Variants in MPP7 observed in about 807,000 individuals in gnomAD.
MPP7 encodes MAGUK p55 subfamily member 7.
Under a neutral mutation model 76.5 loss-of-function variants are expected in MPP7, and 60 were observed. That is an observed-to-expected ratio of 0.78 (90% CI 0.64 to 0.97). The LOEUF is 0.97. Ranked by LOEUF, MPP7 falls within the 50% of genes least tolerant of loss-of-function variation. MPP7 has a pLI of 0.00. For synonymous variants in MPP7, 237 were observed against 244.5 expected (o/e 0.97, Z 0.29); for missense variants, 641 against 694.0 (o/e 0.92, Z 0.86).
intron 5 of MPP7, among the ~76,000 whole-genome samples, chr10:28,134,294 T>C (rs1194842461): frequency 1.3e-5 from 2 of 152,222 alleles, no homozygotes; most frequent in Non-Finnish European, 2.9e-5. Context: ...TTTGTGTTTA[T>C]TGGGCATGTG....
At chr10:28,164,274 G>A (rs547323037) in intron 3 of MPP7, among the ~76,000 whole-genome samples, 70 of 152,186 alleles carry the variant, frequency 4.6e-4, no homozygotes, top group African/African-American at 1.6e-3. Context: ...GGAGGGAGAG[G>A]GATAGGAGAC....
At chr10:28,272,962 G>A (rs1176508402) in intron 1 of MPP7, among the ~76,000 whole-genome samples, 1 of 152,126 alleles carries the variant, frequency 6.6e-6, no homozygotes, top group African/African-American at 2.4e-5. Context: ...TTGTCAGCCA[G>A]GCTGTAGTGT....
intron 1 of MPP7, among the ~76,000 whole-genome samples, chr10:28,244,057 A>G (rs981995485): frequency 4.6e-5 from 7 of 152,316 alleles, no homozygotes; most frequent in African/African-American, 1.7e-4. Context: ...GCCAGACAGT[A>G]AACATTTTAG....
At chr10:28,293,005 G>C (rs1182311942) in intron 1 of MPP7, among the ~76,000 whole-genome samples, 1 of 143,634 alleles carries the variant, frequency 7.0e-6, no homozygotes, top group East Asian at 2.0e-4. Flanking sequence ...TTGTTAACTA[G>C]GAATGGAGAA....
intron 12 of MPP7, among the ~76,000 whole-genome samples, chr10:28,071,432 C>T (rs1852235677): frequency 6.6e-6 from 1 of 152,148 alleles, no homozygotes; most frequent in Non-Finnish European, 1.5e-5. Context: ...CATTCACTAC[C>T]ACCTTCAACC....
At chr10:28,259,028 G>C (rs938951492) in intron 1 of MPP7, among the ~76,000 whole-genome samples, 39 of 152,052 alleles carry the variant, frequency 2.6e-4, no homozygotes, top group Admixed American at 6.6e-4. Context: ...CAAACTTACA[G>C]GTGAAACTGC....
Position 28,125,219 on chromosome 10 carries a change from C to A in MPP7, c.448-128G>T, listed in dbSNP as rs1265379387. Reference sequence around the variant, plus strand: ...CAAAAACGAAAAAAAAGAAATGAGGCAGGAAAAATAGACATCATGCCATTT... The same window carrying A: ...CAAAAACGAAAAAAAAGAAATGAGGAAGGAAAAATAGACATCATGCCATTT... On this transcript the variant is annotated intron_variant, in intron 6 of 16. Coordinates refer to ENST00000683449, the MANE Select transcript of MPP7 (RefSeq NM_001318170.2). 3 of 740,628 alleles carry A rather than the reference C, an allele frequency of 4.1e-6. No homozygotes were observed. The Admixed American group carries it at 7.4e-5, about 18-fold the overall frequency. 45.9% of individuals were successfully genotyped at this position (740,628 alleles called of 1,614,324 possible).
chr10:28,104,298 G>C (rs887393289), intron 11 of MPP7, among the ~76,000 whole-genome samples: 2 of 152,078 alleles, frequency 1.3e-5, no homozygotes, highest in Non-Finnish European at 2.9e-5. Flanking sequence ...ACAAGAAAAG[G>C]GGGCAAAGAA....
rs574053672 is a variant in MPP7, at chr10:28,284,650, T to C, written c.-132+18211A>G. 5.4e-4 allele frequency among the ~76,000 whole-genome samples: 83 copies of C among 152,306 alleles called. 1 individual carries two copies. The highest frequency in any genetic ancestry group is 8.2e-4 in the Non-Finnish European group (56 of 68,032). ...CAGACATTTCTCAAAATTATGAATT[T>C]TAAAGTGGGGGGAATATTGGAGTAA... On this transcript the variant is annotated intron_variant, in intron 1 of 16. Transcript: ENST00000683449.
intron 11 of MPP7, among the ~76,000 whole-genome samples, chr10:28,095,328 A>C (rs2133482129): frequency 6.6e-6 from 1 of 151,982 alleles, no homozygotes; most frequent in Admixed American, 6.6e-5. Context: ...AATAGCCAGA[A>C]CAAAAGATAC....
rs1389397370 is a variant in MPP7, at chr10:28,169,786, A to G, written c.157-19727T>C. 9.8e-5 allele frequency among the ~76,000 whole-genome samples: 15 copies of G among 152,314 alleles called. No homozygotes were observed. In the East Asian group the frequency reaches 2.9e-3, roughly 29 times the overall value. ...GCTGACTTTCATATACAGACCTTGC[A>G]GTCAGCCACCCAGCACTGACCACTC... On this transcript the variant is annotated intron_variant, in intron 3 of 16. Transcript: ENST00000683449.
At chr10:28,150,355 C>T (rs1835843839) in intron 3 of MPP7, among the ~76,000 whole-genome samples, 1 of 152,176 alleles carries the variant, frequency 6.6e-6, no homozygotes, top group South Asian at 2.1e-4. Flanking sequence ...TCTTTCCCCT[C>T]AATAAGCATG....
intron 11 of MPP7, among the ~76,000 whole-genome samples, chr10:28,107,155 C>T (rs776639019): frequency 2.6e-5 from 4 of 152,162 alleles, no homozygotes; most frequent in Non-Finnish European, 4.4e-5. Flanking sequence ...ATCTACATAT[C>T]ATCGAACTTA....
intron 1 of MPP7, among the ~76,000 whole-genome samples, chr10:28,278,184 A>G (rs1368844117): frequency 6.6e-6 from 1 of 152,120 alleles, no homozygotes; most frequent in East Asian, 1.9e-4. Flanking sequence ...TTCCCACACA[A>G]TAACAAGTTC....
intron 12 of MPP7, among the ~76,000 whole-genome samples, chr10:28,078,116 A>G (rs1439758918): frequency 6.6e-6 from 1 of 152,138 alleles, no homozygotes; most frequent in African/African-American, 2.4e-5. Context: ...CACTCTACCT[A>G]TGATCTTATG....
intron 3 of MPP7, among the ~76,000 whole-genome samples, chr10:28,194,738 A>C (rs1300029421): frequency 6.6e-6 from 1 of 152,220 alleles, no homozygotes; most frequent in Non-Finnish European, 1.5e-5. Context: ...CAGGTAAAGC[A>C]TGGGAGATTT....
intron 11 of MPP7, among the ~76,000 whole-genome samples, chr10:28,094,121 T>A (rs1471062916): frequency 1.3e-5 from 2 of 152,226 alleles, no homozygotes; most frequent in Non-Finnish European, 2.9e-5. Context: ...CATCTGAGTC[T>A]GCTCCCCGCG....
intron 1 of MPP7, among the ~76,000 whole-genome samples, chr10:28,245,467 A>C (rs1839403166): frequency 6.6e-6 from 1 of 152,054 alleles, no homozygotes; most frequent in South Asian, 2.1e-4. Context: ...TTTTACCTAT[A>C]GGGAGATAGC....
At chr10:28,333,855 T>G (rs1834492338) in intron 1 of MPP7, among the ~76,000 whole-genome samples, 1 of 152,120 alleles carries the variant, frequency 6.6e-6, no homozygotes, top group Non-Finnish European at 1.5e-5. Flanking sequence ...ATGAAAAATT[T>G]GGGCCGAGAA....
Sources: gnomAD v4.1 joint callset for allele counts (sites outside exome capture counted in the v4.1 genomes callset) on GRCh38, gnomAD v4.1.1 for gene constraint, MANE v1.5 for transcripts, NCBI Gene and HGNC (gene_info 2026-07-23, HGNC 2026-07-21) for gene names.